The following BRCA1 variants were observed in gnomAD, a reference collection of about 807,000 sequenced individuals.
BRCA1 encodes the protein breast cancer type 1 susceptibility protein.
In BRCA1, 140 loss-of-function variants were observed where a neutral mutation model predicts 173.7. The observed-to-expected ratio is 0.81, with a 90% CI of 0.70 to 0.93. The LOEUF (loss-of-function observed/expected upper bound fraction) is 0.93, where lower values mean the gene tolerates loss of function less well. Ranked by LOEUF, BRCA1 falls within the 40% of genes least tolerant of loss-of-function variation. The probability of loss-of-function intolerance (pLI) is 0.00; values close to 1 mark genes in which losing one functional copy is unlikely to be tolerated. For synonymous variants in BRCA1, 662 were observed against 756.0 expected (o/e 0.88, Z 2.04); for missense variants, 1,983 against 2,172.5 (o/e 0.91, Z 1.73).
chr17:43,133,766 C>G (rs1567828016), intron 1 of BRCA1, among the ~76,000 whole-genome samples: 2 of 151,962 alleles, frequency 1.3e-5, no homozygotes, highest in Non-Finnish European at 2.9e-5. Flanking sequence ...TCCTGAGTAG[C>G]TGGGACTACA....
intron 1 of BRCA1, among the ~76,000 whole-genome samples, chr17:43,130,612 C>A (rs1437608085): frequency 6.6e-6 from 1 of 152,112 alleles, no homozygotes; most frequent in Non-Finnish European, 1.5e-5. Flanking sequence ...CTGTGCCTGG[C>A]CTGTATTATA....
chr17:43,100,667 T>TGTTATATATATACATATATATAAC (rs2054402836), intron 6 of BRCA1, among the ~76,000 whole-genome samples: 1 of 34,248 alleles, frequency 2.9e-5, no homozygotes, highest in African/African-American at 2.2e-4. Flanking sequence ...CATATATATA[T>TGTTATATATATACATATATATAAC]ATATATATAT....
chr17:43,050,167 G>A (rs2051145679), intron 20 of BRCA1: 1 of 398,494 alleles, frequency 2.5e-6, no homozygotes, highest in Non-Finnish European at 4.4e-6. Context: ...AGCAGGCACA[G>A]GAGGCAAAGG....
chr17:43,115,615 G>A lies in BRCA1; in HGVS notation c.134+111C>T, dbSNP rs8176100. The A allele has an allele frequency of 1.3e-3, 1,434 of 1,067,862 alleles. 13 individuals are homozygous for A. In the East Asian group the frequency reaches 0.021, roughly 16 times the overall value. 66.1% of individuals were successfully genotyped at this position (1,067,862 alleles called of 1,614,324 possible). A position where few individuals can be genotyped will look rare whatever the true frequency, so the allele number is the denominator to read the frequency against. Reference sequence around the variant, plus strand: ...AGAATGAAATGGAGTTGGATTTTTCGTTCTCACTTAATTGAAGAAAGTAAA... The same window carrying A: ...AGAATGAAATGGAGTTGGATTTTTCATTCTCACTTAATTGAAGAAAGTAAA... On this transcript the variant is annotated intron_variant, in intron 3 of 22. Transcript: ENST00000357654.
At chr17:43,149,059 A>G (rs2056142361) in intron 1 of BRCA1, among the ~76,000 whole-genome samples, 1 of 151,958 alleles carries the variant, frequency 6.6e-6, no homozygotes, top group Non-Finnish European at 1.5e-5. Context: ...ATTTGAATAT[A>G]ACCAACACAC....
intron 20 of BRCA1, 92 bp downstream of exon 20, chr17:43,050,971 G>T: frequency 7.8e-7 from 1 of 1,277,028 alleles, no homozygotes. Flanking sequence ...TCAGCAATCT[G>T]AGGAACCCCC....
At chr17:43,125,516 G>A (rs1241853393), upstream of BRCA1, 2 of 329,702 alleles carry the variant, frequency 6.1e-6, no homozygotes, top group Non-Finnish European at 1.2e-5. Context: ...AAAGAGCCAA[G>A]CGTCTCTCGG....
chr17:43,056,213 G>A (rs185659604), intron 19 of BRCA1, among the ~76,000 whole-genome samples: 9 of 147,272 alleles, frequency 6.1e-5, no homozygotes, highest in Admixed American at 2.8e-4. Flanking sequence ...TCTGTCTGTC[G>A]TCTAGGCTGG....
At chr17:43,048,276 C>T (rs2051024686) in intron 21 of BRCA1, among the ~76,000 whole-genome samples, 1 of 152,310 alleles carries the variant, frequency 6.6e-6, no homozygotes, top group Admixed American at 6.5e-5. Context: ...GATCTTGGCT[C>T]ACTGCAACCT....
At chr17:43,106,083 C>T (rs2054746646) in intron 4 of BRCA1, among the ~76,000 whole-genome samples, 1 of 149,758 alleles carries the variant, frequency 6.7e-6, no homozygotes, top group East Asian at 2.0e-4. Flanking sequence ...CACGCCACTG[C>T]ACTCCAGCCT....
chr17:43,099,981 C>A, intron 6 of BRCA1, 101 bp from the exon 7 acceptor site: 1 of 914,510 alleles, frequency 1.1e-6, no homozygotes, highest in Non-Finnish European at 1.8e-6. Flanking sequence ...AATTGACCAT[C>A]ATCAGTCAGC....
chr17:43,067,044 C>T (rs1449674119), intron 16 of BRCA1, among the ~76,000 whole-genome samples: 1 of 151,548 alleles, frequency 6.6e-6, no homozygotes, highest in Non-Finnish European at 1.5e-5. Context: ...TCTCGAACTC[C>T]TGACCTCAGG....
chr17:43,050,066 C>G, intron 20 of BRCA1: 1 of 398,606 alleles, frequency 2.5e-6, no homozygotes, highest in Non-Finnish European at 4.4e-6. Context: ...AATTACATTG[C>G]AGCCAGGTTT....
chr17:43,132,392 G>A (rs1346754151), intron 1 of BRCA1, among the ~76,000 whole-genome samples: 1 of 152,060 alleles, frequency 6.6e-6, no homozygotes, highest in Admixed American at 6.6e-5. Flanking sequence ...GGAAGTCCCA[G>A]CAAATAATAT....
chr17:43,119,344 T>A (rs1057481178), intron 2 of BRCA1: 2 of 222,210 alleles, frequency 9.0e-6, no homozygotes, highest in Non-Finnish European at 1.8e-5. Context: ...AGGGTTGTAA[T>A]ACAACTCTTG....
At chr17:43,113,720 C>T (rs897615342) in intron 3 of BRCA1, among the ~76,000 whole-genome samples, 1 of 152,126 alleles carries the variant, frequency 6.6e-6, no homozygotes, top group African/African-American at 2.4e-5. Flanking sequence ...GCCTATAAGC[C>T]TATAATTTCC....
intron 19 of BRCA1, among the ~76,000 whole-genome samples, chr17:43,055,001 T>C (rs2051400664): frequency 6.6e-6 from 1 of 152,126 alleles, no homozygotes; most frequent in Non-Finnish European, 1.5e-5. Flanking sequence ...CCACCCGCCT[T>C]GGGCTCCCAA....
At chr17:43,086,542 C>T (rs551711908) in intron 11 of BRCA1, among the ~76,000 whole-genome samples, 4 of 152,210 alleles carry the variant, frequency 2.6e-5, no homozygotes, top group East Asian at 1.9e-4. Context: ...CTGACTTCAA[C>T]GGTTTTGGGT....
At chr17:43,135,378 G>A (rs1442282851) in intron 1 of BRCA1, among the ~76,000 whole-genome samples, 2 of 152,244 alleles carry the variant, frequency 1.3e-5, no homozygotes, top group East Asian at 1.9e-4. Flanking sequence ...ATTAGGACGC[G>A]TTGCTGTGGC....
Sources: gnomAD v4.1 joint callset for allele counts (sites outside exome capture counted in the v4.1 genomes callset) on GRCh38, gnomAD v4.1.1 for gene constraint, MANE v1.5 for transcripts, NCBI Gene and HGNC (gene_info 2026-07-23, HGNC 2026-07-21) for gene names.